Variants in ZC3H12C observed in about 807,000 individuals in gnomAD.
ZC3H12C encodes the protein zinc finger CCCH-type containing 12C.
A neutral mutation model predicts 76.3 loss-of-function variants in ZC3H12C; 20 were observed. The observed-to-expected ratio is 0.26, with a 90% CI of 0.18 to 0.38. The LOEUF (loss-of-function observed/expected upper bound fraction) is 0.38, where lower values mean the gene tolerates loss of function less well. Among genes scored for constraint, ZC3H12C ranks in the 10% least tolerant of loss-of-function variants. ZC3H12C has a pLI of 1.00. For missense variants in ZC3H12C, 874 were observed against 1,086.5 expected, an observed-to-expected ratio of 0.80 and a Z score of 2.75; for synonymous variants, 352 against 399.6, an observed-to-expected ratio of 0.88 and a Z score of 1.42.
chr11:110,106,755 C>A (rs763680811), intron 1 of ZC3H12C, among the ~76,000 whole-genome samples: 8 of 152,126 alleles, frequency 5.3e-5, no homozygotes, highest in Non-Finnish European at 1.2e-4. Context: ...AATCATCTGG[C>A]TACCTTACTG....
chr11:110,135,216 G>A (rs961066084), intron 1 of ZC3H12C, among the ~76,000 whole-genome samples: 4 of 152,108 alleles, frequency 2.6e-5, no homozygotes, highest in Admixed American at 2.0e-4. Flanking sequence ...GAGGCCAGGC[G>A]TGGTGGCTCA....
At chr11:110,102,101 T>C (rs1475894505) in intron 1 of ZC3H12C, among the ~76,000 whole-genome samples, 1 of 151,504 alleles carries the variant, frequency 6.6e-6, no homozygotes, top group African/African-American at 2.4e-5. Flanking sequence ...AAATATCCAT[T>C]CTGGCAGTCC....
chr11:110,130,122 T>G (rs1861833813), intron 1 of ZC3H12C, among the ~76,000 whole-genome samples: 1 of 152,170 alleles, frequency 6.6e-6, no homozygotes, highest in Admixed American at 6.5e-5. Flanking sequence ...AGACTTTGCT[T>G]CTCTTTAATT....
intron 1 of ZC3H12C, among the ~76,000 whole-genome samples, chr11:110,124,710 T>C (rs1211365145): frequency 6.6e-6 from 1 of 152,180 alleles, no homozygotes; most frequent in South Asian, 2.1e-4. Context: ...TCCCTTCACC[T>C]TAAGTGGGAA....
intron 1 of ZC3H12C, among the ~76,000 whole-genome samples, chr11:110,107,533 G>GT (rs571102713): frequency 6.2e-4 from 92 of 149,314 alleles, no homozygotes; most frequent in South Asian, 4.3e-3. Context: ...CTTTTTTTTT[G>GT]TTTTTTTTTA....
intron 1 of ZC3H12C, among the ~76,000 whole-genome samples, chr11:110,135,490 C>CAAA (rs60107794): frequency 1.5e-3 from 137 of 93,956 alleles, no homozygotes; most frequent in East Asian, 2.1e-3. Flanking sequence ...ACTCCCGTCT[C>CAAA]AAAAAAAAAA....
chr11:110,136,513 C>A, intron 1 of ZC3H12C, 150 bp from the exon 2 acceptor site: 1 of 801,108 alleles, frequency 1.2e-6, no homozygotes, highest in Non-Finnish European at 1.9e-6. Context: ...GCAGATGATA[C>A]TCTCTTGGCA....
intron 4 of ZC3H12C, 84 bp from the exon 5 acceptor site, chr11:110,163,189 G>GAT: frequency 8.2e-7 from 1 of 1,217,818 alleles, no homozygotes. Flanking sequence ...ATTCCTTATA[G>GAT]AGGGAACAAA....
At chr11:110,148,972 A>G (rs1194588504) in intron 2 of ZC3H12C, among the ~76,000 whole-genome samples, 4 of 152,168 alleles carry the variant, frequency 2.6e-5, no homozygotes, top group Admixed American at 2.0e-4. Context: ...CTTATATTGT[A>G]TCTAGCACGT....
In ZC3H12C at chr11:110,107,619, G is replaced by A. The variant is rs183845298; in HGVS notation, c.21+14187G>A. Among the ~76,000 whole-genome samples the A allele has an allele frequency of 1.3e-4, 19 of 151,898 alleles. No individual in the cohort carries two copies. In the East Asian group the frequency reaches 2.7e-3, roughly 22 times the overall value. ...TGGCTCACTGCAACCTCCACCTCCC[G>A]GGTTTAAGCAAATCTCCTGCCTCAG... On this transcript the variant is annotated intron_variant, in intron 1 of 5. Coordinates refer to ENST00000278590, the MANE Select transcript of ZC3H12C (RefSeq NM_033390.2).
At chr11:110,125,540 A>G (rs1861728552) in intron 1 of ZC3H12C, among the ~76,000 whole-genome samples, 1 of 151,426 alleles carries the variant, frequency 6.6e-6, no homozygotes, top group Non-Finnish European at 1.5e-5. Flanking sequence ...CTGATGTTGA[A>G]CTCCTGACCT....
chr11:110,133,504 TA>T (rs1861901214), intron 1 of ZC3H12C, among the ~76,000 whole-genome samples: 1 of 152,256 alleles, frequency 6.6e-6, no homozygotes, highest in Non-Finnish European at 1.5e-5. Context: ...CTTATTTGCC[TA>T]AAAAAACTGG....
intron 3 of ZC3H12C, among the ~76,000 whole-genome samples, chr11:110,154,142 C>T (rs1366368929): frequency 2.6e-5 from 4 of 152,108 alleles, no homozygotes; most frequent in African/African-American, 4.8e-5. Flanking sequence ...GAGGCCGAGG[C>T]GGGAAGATCA....
At chr11:110,140,989 G>T (rs1381335631) in intron 2 of ZC3H12C, among the ~76,000 whole-genome samples, 1 of 152,104 alleles carries the variant, frequency 6.6e-6, no homozygotes, top group Non-Finnish European at 1.5e-5. Context: ...TTAAATTGTG[G>T]ACAACTCCTG....
intron 1 of ZC3H12C, among the ~76,000 whole-genome samples, chr11:110,112,819 A>G (rs574263374): frequency 6.6e-6 from 1 of 152,234 alleles, no homozygotes; most frequent in African/African-American, 2.4e-5. Flanking sequence ...TGCCTGACTG[A>G]ACCAAGTCTG....
intron 1 of ZC3H12C, among the ~76,000 whole-genome samples, chr11:110,111,689 CCTGA>C (rs1237307245): frequency 3.3e-5 from 5 of 149,676 alleles, no homozygotes; most frequent in African/African-American, 9.9e-5. Context: ...CACCACCAGG[CCTGA>C]CTGATTTTTT....
At chr11:110,157,774 T>C (rs1264977933) in intron 3 of ZC3H12C, among the ~76,000 whole-genome samples, 1 of 152,196 alleles carries the variant, frequency 6.6e-6, no homozygotes, top group Non-Finnish European at 1.5e-5. Context: ...CCCGTGTCAC[T>C]CTTCCATCTG....
intron 1 of ZC3H12C, among the ~76,000 whole-genome samples, chr11:110,118,893 C>T (rs923776606): frequency 6.6e-6 from 1 of 152,300 alleles, no homozygotes; most frequent in Non-Finnish European, 1.5e-5. Context: ...TTAAAATTTT[C>T]AATAAACTGT....
chr11:110,107,679 C>T (rs1237363638), intron 1 of ZC3H12C, among the ~76,000 whole-genome samples: 1 of 151,624 alleles, frequency 6.6e-6, no homozygotes, highest in Non-Finnish European at 1.5e-5. Flanking sequence ...GCGCCCGCCA[C>T]CATACCTGGC....
Sources: allele counts gnomAD v4.1 joint callset (sites outside exome capture counted in the v4.1 genomes callset), GRCh38; gene constraint gnomAD v4.1.1; transcripts MANE v1.5; gene names NCBI Gene and HGNC (gene_info 2026-07-23, HGNC 2026-07-21).